LILRB1: variants seen among roughly 807,000 people sequenced by gnomAD.
The protein encoded by LILRB1 is leukocyte immunoglobulin-like receptor subfamily B member 1.
LILRB1 carries 59 observed loss-of-function variants against 74.6 expected under a neutral mutation model. The observed-to-expected ratio is 0.79, with a 90% CI of 0.64 to 0.98. LILRB1 has a LOEUF of 0.98. LILRB1 is among the 50% of genes least tolerant of loss of function. The probability of loss-of-function intolerance (pLI) is 0.00; values close to 1 mark genes in which losing one functional copy is unlikely to be tolerated. For missense variants in LILRB1, 804 were observed against 822.6 expected (o/e 0.98, Z 0.28); for synonymous variants, 328 against 333.9 (o/e 0.98, Z 0.19).
upstream of LILRB1, among the ~76,000 whole-genome samples, chr19:54,628,942 G>A (rs2063674677): frequency 6.6e-6 from 1 of 152,210 alleles, no homozygotes; most frequent in Non-Finnish European, 1.5e-5. Context: ...ATGGAGCTAT[G>A]AGCCAGGAAC....
intron 1 of LILRB1, among the ~76,000 whole-genome samples, chr19:54,623,753 C>T (rs1006239906): frequency 1.3e-5 from 2 of 152,330 alleles, no homozygotes; most frequent in South Asian, 2.1e-4. Flanking sequence ...TTTTTCACAG[C>T]GTCAGAATCC....
intron 1 of LILRB1, among the ~76,000 whole-genome samples, chr19:54,621,658 T>C (rs930482192): frequency 3.9e-5 from 6 of 152,184 alleles, no homozygotes; most frequent in African/African-American, 1.2e-4. Context: ...ATTCTGTTGA[T>C]TGTTTCTTTT....
chr19:54,636,454 G>A (rs1311767687), intron 13 of LILRB1, 40 bp from the exon 14 acceptor site: 1 of 1,606,108 alleles, frequency 6.2e-7, no homozygotes, highest in Non-Finnish European at 8.5e-7. Context: ...CAGGGGGTCA[G>A]GAGGATTCAA....
upstream of LILRB1, among the ~76,000 whole-genome samples, chr19:54,625,837 G>A (rs747980322): frequency 1.2e-4 from 16 of 133,346 alleles, 1 homozygote; most frequent in Non-Finnish European, 1.9e-4. Flanking sequence ...CCCCTTCCCC[G>A]TGTTAGGGAC....
upstream of LILRB1, among the ~76,000 whole-genome samples, chr19:54,616,615 A>G (rs1472581149): frequency 6.6e-6 from 1 of 152,036 alleles, no homozygotes; most frequent in Non-Finnish European, 1.5e-5. Flanking sequence ...ATTCTGATCT[A>G]CTATTTCTTT....
rs1439820182 is a variant in LILRB1 at position 54,630,630 on chromosome 19, C to T, written c.-52C>T. 4 of 885,060 alleles carry T rather than the reference C, an allele frequency of 4.5e-6. No homozygotes were observed. The highest frequency in any genetic ancestry group is 3.5e-6 in the Non-Finnish European group (2 of 564,142). 54.8% of individuals were successfully genotyped at this position (885,060 alleles called of 1,614,324 possible). The stretch of plus-strand genomic sequence containing the variant: ...TCTCCAGGGCTGGAGGGACGACTGC[C>T]ATGGTAAGGACCCCACAACACTGAG... On this transcript the variant is annotated 5_prime_UTR_variant, in exon 1 of 15. Coordinates refer to ENST00000324602, the MANE Select transcript of LILRB1 (RefSeq NM_001081637.3).
chr19:54,635,498 G>GGA, intron 12 of LILRB1, 59 bp from the exon 13 acceptor site: 1 of 1,575,914 alleles, frequency 6.3e-7, no homozygotes, highest in South Asian at 1.2e-5. Flanking sequence ...GGGGCTGGCA[G>GGA]GACTCAGAGG....
chr19:54,635,036 C>A (rs1302308577), intron 10 of LILRB1, 68 bp from the exon 11 acceptor site: 1 of 1,297,994 alleles, frequency 7.7e-7, no homozygotes, highest in Non-Finnish European at 1.1e-6. Context: ...TCCTTACCTT[C>A]GAGCTGTGTG....
upstream of LILRB1, among the ~76,000 whole-genome samples, chr19:54,626,044 C>T (rs2063578901): frequency 6.6e-6 from 1 of 152,240 alleles, no homozygotes; most frequent in Non-Finnish European, 1.5e-5. Flanking sequence ...TCATGTTTCT[C>T]AGGTGAACCC....
In LILRB1 at chr19:54,636,933, GC is replaced by G. The variant is rs1409286387; in HGVS notation, c.*62del. 1.2e-6 allele frequency: 2 copies of G among 1,607,390 alleles called. No individual in the cohort carries two copies. The highest frequency in any genetic ancestry group is 1.1e-5 in the South Asian group (1 of 90,042). On this transcript the variant is annotated 3_prime_UTR_variant, in exon 15 of 15. Transcript: ENST00000324602. Reference sequence around the variant, plus strand: ...ATGGAGTCTGGAATGCATGGGAGCTGCCCCCCCAGTGGACACCATTGGACCC... The same window carrying G: ...ATGGAGTCTGGAATGCATGGGAGCTGCCCCCCAGTGGACACCATTGGACCC...
chr19:54,634,055 G>A (rs1472939816), intron 9 of LILRB1, 34 bp downstream of exon 9: 2 of 1,571,284 alleles, frequency 1.3e-6, no homozygotes, highest in African/African-American at 1.3e-5. Context: ...AGGTGGGCAG[G>A]GTCCAGGGGA....
chr19:54,617,637 G>C (rs2063345070), intron 1 of LILRB1, among the ~76,000 whole-genome samples: 1 of 151,102 alleles, frequency 6.6e-6, no homozygotes, highest in Non-Finnish European at 1.5e-5. Flanking sequence ...ATAATTTTAT[G>C]TTTAATTGGC....
upstream of LILRB1, among the ~76,000 whole-genome samples, chr19:54,626,913 C>T (rs1600332581): frequency 6.6e-6 from 1 of 152,208 alleles, no homozygotes; most frequent in Non-Finnish European, 1.5e-5. Context: ...GAGCCTCACA[C>T]TCACGTGCTA....
At chr19:54,635,673 C>T in intron 13 of LILRB1, 64 bp downstream of exon 13, 3 of 1,557,190 alleles carry the variant, frequency 1.9e-6, no homozygotes, top group Non-Finnish European at 2.7e-6. Flanking sequence ...TCCTGCAGAA[C>T]TTCTCTGTCC....
rs563400274 is a variant in LILRB1 at position 54,635,443 on chromosome 19, G to A, written c.1601-114G>A. The A allele has an allele frequency of 4.7e-5, 71 of 1,514,856 alleles. No individual in the cohort carries two copies. In the African/African-American group the frequency reaches 9.0e-4, roughly 19 times the overall value. The allele number at this position is 1,514,856 out of a possible 1,614,324, so 93.8% of individuals were successfully genotyped here. On this transcript the variant is annotated intron_variant, in intron 12 of 14. Transcript: ENST00000324602. ...CACACTGTGGGGCCTCAGGGACATC[G>A]CAGCCCCTCCCTGCATCTCAGTGGC...
In LILRB1 at chr19:54,632,775, G is replaced by T; in HGVS notation, c.958+15G>T. 6.2e-7 allele frequency: 1 copy of T among 1,611,278 alleles called. No individual in the cohort carries two copies. Among genetic ancestry groups the T allele is most frequent in the African/African-American group, 1.3e-5 (1 of 74,950 alleles). On this transcript the variant is annotated intron_variant, in intron 6 of 14. Transcript: ENST00000324602. ...CCTGATCGCAGGTGAGGAGCCCAGC[G>T]GGTTCAGTCAGGGACCCAGGCTCCG... is the stretch of plus-strand genomic sequence containing the variant.
rs2146314406 is a variant in LILRB1, at chr19:54,637,768, A to T, written c.*890A>T. On this transcript the variant is annotated 3_prime_UTR_variant, in exon 15 of 15. Transcript: ENST00000324602. ...AAAGAAAGAGCAGGCATGCATTTCC[A>T]TATGGGAGTGAGCCAGCAGACAGCC... 6.6e-6 allele frequency among the ~76,000 whole-genome samples: 1 copy of T among 152,324 alleles called. No homozygotes were observed.
intron 1 of LILRB1, among the ~76,000 whole-genome samples, chr19:54,622,238 A>C (rs1346883523): frequency 6.6e-6 from 1 of 152,212 alleles, no homozygotes; most frequent in Non-Finnish European, 1.5e-5. Context: ...TGACATTTGT[A>C]ATTTAATAGG....
Position 54,631,977 on chromosome 19 carries a change from T to G in LILRB1, c.401T>G (p.Val134Gly). 1 of 1,614,114 alleles carries G rather than the reference T, an allele frequency of 6.2e-7. No individual in the cohort carries two copies. The highest frequency in any genetic ancestry group is 8.5e-7 in the Non-Finnish European group (1 of 1,179,918). Residue 134 changes from valine to glycine, a missense_variant, in exon 5 of 15, where the codon GTG (valine) becomes GGG (glycine). Physicochemically the swap from Val to Gly is moderately radical, Grantham distance 109 (BLOSUM62 -3). Transcript: ENST00000324602. ...ACCCTCTCAGCCCAGCCCAGCCCCG[T>G]GGTGAACTCAGGAGGGAATGTAACC... The part of the protein sequence containing the change: ...KPTLSAQPSP[V>G]VNSGGNVTLQ...
Sources: allele counts gnomAD v4.1 joint callset (sites outside exome capture counted in the v4.1 genomes callset), GRCh38; gene constraint gnomAD v4.1.1; transcripts MANE v1.5; gene names NCBI Gene and HGNC (gene_info 2026-07-23, HGNC 2026-07-21).